Variants in SMPD3 observed in about 807,000 individuals in gnomAD.
SMPD3 encodes the protein sphingomyelin phosphodiesterase 3.
Under a neutral mutation model 55.7 loss-of-function variants are expected in SMPD3, and 21 were observed. The observed-to-expected ratio is 0.38, with a 90% CI of 0.27 to 0.54. The LOEUF (loss-of-function observed/expected upper bound fraction) is 0.54. Ranked by LOEUF, SMPD3 falls within the 20% of genes least tolerant of loss-of-function variation. The pLI is 0.80. For synonymous variants in SMPD3, 457 were observed against 404.3 expected (o/e 1.13, Z -1.56); for missense variants, 842 against 899.6 (o/e 0.94, Z 0.82).
chr16:68,434,884 A>C (rs1380178363), intron 1 of SMPD3, among the ~76,000 whole-genome samples: 3 of 152,130 alleles, frequency 2.0e-5, no homozygotes, highest in Admixed American at 2.0e-4. Context: ...GTGGTTTTAA[A>C]GGCCCTATGT....
rs1275346938 is a variant in SMPD3, at chr16:68,359,689, G to A, written c.*1517C>T. ...GCAAAGCCGGCCCTGGGCCAGGCTG[G>A]GTGTAGGGCCAGGGCGCCACGAGGA... On this transcript the variant is annotated 3_prime_UTR_variant, in exon 9 of 9. Coordinates refer to ENST00000219334, the MANE Select transcript of SMPD3 (RefSeq NM_018667.4). 3 of 152,596 alleles carry A rather than the reference G, an allele frequency of 2.0e-5. No homozygotes were observed. The highest frequency in any genetic ancestry group is 4.4e-5 in the Non-Finnish European group (3 of 68,060). 9.5% of individuals were successfully genotyped at this position (152,596 alleles called of 1,614,324 possible).
chr16:68,433,325 G>C lies in SMPD3; in HGVS notation c.-269+15028C>G, dbSNP rs141389928. 4.9e-3 allele frequency among the ~76,000 whole-genome samples: 753 copies of C among 152,274 alleles called. 10 individuals carry two copies. The highest frequency in any genetic ancestry group is 0.017 in the Middle Eastern group (5 of 294). ...TGCCTCACACTCAATCCATTTGCCCGACCCTCATGTGTTCAGAGGGTCTGA... is the reference window on the plus strand; with the variant it reads ...TGCCTCACACTCAATCCATTTGCCCCACCCTCATGTGTTCAGAGGGTCTGA... On this transcript the variant is annotated intron_variant, in intron 1 of 8. Coordinates refer to ENST00000219334, the MANE Select transcript of SMPD3 (RefSeq NM_018667.4).
intron 2 of SMPD3, among the ~76,000 whole-genome samples, chr16:68,382,758 C>A (rs753879716): frequency 1.3e-5 from 2 of 152,174 alleles, no homozygotes. Context: ...CCAGGAGGGG[C>A]AGCTGGGGAA....
intron 1 of SMPD3, among the ~76,000 whole-genome samples, chr16:68,387,216 A>G (rs2090064732): frequency 6.6e-6 from 1 of 151,970 alleles, no homozygotes; most frequent in Admixed American, 6.5e-5. Flanking sequence ...ATTGAGAGGA[A>G]CCAAAGGGAT....
chr16:68,398,356 C>A (rs1235475302), intron 1 of SMPD3, among the ~76,000 whole-genome samples: 2 of 152,130 alleles, frequency 1.3e-5, no homozygotes, highest in African/African-American at 4.8e-5. Context: ...AAAAGGAGGG[C>A]CCTACGTGGC....
intron 1 of SMPD3, among the ~76,000 whole-genome samples, chr16:68,434,547 T>C (rs1048882493): frequency 8.5e-5 from 13 of 152,240 alleles, no homozygotes; most frequent in Non-Finnish European, 1.2e-4. Context: ...GTCTTCTGTA[T>C]GAATTTAATC....
intron 2 of SMPD3, among the ~76,000 whole-genome samples, chr16:68,376,824 C>T (rs752066607): frequency 5.3e-5 from 8 of 152,246 alleles, no homozygotes; most frequent in Non-Finnish European, 1.0e-4. Flanking sequence ...CCCTCGGCTT[C>T]ACCGGCCACT....
At chr16:68,363,396 A>C in intron 7 of SMPD3, 100 bp downstream of exon 7, 1 of 1,361,960 alleles carries the variant, frequency 7.3e-7, no homozygotes, top group Admixed American at 1.8e-5. Context: ...AAAAGCCCTC[A>C]TGAGCCCGAG....
intron 1 of SMPD3, among the ~76,000 whole-genome samples, chr16:68,446,500 C>T (rs1243070503): frequency 6.6e-6 from 1 of 152,004 alleles, no homozygotes; most frequent in Non-Finnish European, 1.5e-5. Context: ...CACACACACA[C>T]ACACACACAC....
chr16:68,370,719 G>T, intron 3 of SMPD3, 140 bp downstream of exon 3: 3 of 1,154,650 alleles, frequency 2.6e-6, no homozygotes, highest in South Asian at 3.1e-5. Context: ...TTTGGCTCCA[G>T]GAAAGACCGC....
Position 68,359,657 on chromosome 16 carries a change from T to G in SMPD3, c.*1549A>C, listed in dbSNP as rs1463996729. 2.0e-5 allele frequency: 3 copies of G among 152,650 alleles called. No homozygotes were observed. The highest frequency in any genetic ancestry group is 7.2e-5 in the African/African-American group (3 of 41,448). The allele number at this position is 152,650 out of a possible 1,614,324, so 9.5% of individuals were successfully genotyped here. On this transcript the variant is annotated 3_prime_UTR_variant, in exon 9 of 9. Coordinates refer to ENST00000219334, the MANE Select transcript of SMPD3 (RefSeq NM_018667.4). ...GCAGGTCCTGGTGCTCCCTCCAGCC[T>G]CACCAGGCAAAGCCGGCCCTGGGCC... is the stretch of plus-strand genomic sequence containing the variant.
At chr16:68,389,341 G>C (rs1358577825) in intron 1 of SMPD3, among the ~76,000 whole-genome samples, 1 of 152,234 alleles carries the variant, frequency 6.6e-6, no homozygotes, top group Admixed American at 6.5e-5. Context: ...CCACAGACCA[G>C]TACCTGGGGT....
chr16:68,411,017 G>A (rs113395428), intron 1 of SMPD3, among the ~76,000 whole-genome samples: 7,822 of 152,334 alleles, frequency 0.051, 275 homozygotes, highest in Non-Finnish European at 0.079. Context: ...GTTGGAGTGT[G>A]GGGGTGATCA....
intron 2 of SMPD3, among the ~76,000 whole-genome samples, chr16:68,373,659 G>T (rs2089734031): frequency 6.6e-6 from 1 of 152,148 alleles, no homozygotes; most frequent in South Asian, 2.1e-4. Context: ...CACTCCTGCT[G>T]GACCCCCTGC....
chr16:68,437,155 T>A (rs909705757), intron 1 of SMPD3, among the ~76,000 whole-genome samples: 3 of 152,176 alleles, frequency 2.0e-5, no homozygotes, highest in Non-Finnish European at 4.4e-5. Context: ...CACTTCCATC[T>A]CTCCAGTGTC....
chr16:68,391,594 T>C lies in SMPD3; in HGVS notation c.-268-4935A>G, dbSNP rs568810359. On this transcript the variant is annotated intron_variant, in intron 1 of 8. Transcript: ENST00000219334. ...AGGTATTCAGTGATCAGTTATCCATTTGGAAAGATAATTCTACAGGGAGCA... is the reference window on the plus strand; with the variant it reads ...AGGTATTCAGTGATCAGTTATCCATCTGGAAAGATAATTCTACAGGGAGCA... Among the ~76,000 whole-genome samples the C allele has an allele frequency of 5.3e-5, 8 of 152,262 alleles. No homozygotes were observed. In the East Asian group the frequency reaches 1.5e-3, roughly 29 times the overall value.
At chr16:68,448,180 C>A (rs535920137) in intron 1 of SMPD3, among the ~76,000 whole-genome samples, 173 bp downstream of exon 1, 16 of 152,334 alleles carry the variant, frequency 1.1e-4, no homozygotes, top group South Asian at 2.1e-4. Flanking sequence ...GAAAACTAAC[C>A]CAAGCTGCTC....
intron 7 of SMPD3, among the ~76,000 whole-genome samples, chr16:68,363,196 C>T (rs1483581517): frequency 6.6e-6 from 1 of 152,186 alleles, no homozygotes; most frequent in Non-Finnish European, 1.5e-5. Flanking sequence ...AAATTCCAGG[C>T]CCTTTCCTGT....
Position 68,361,437 on chromosome 16 carries a change from G to C in SMPD3, c.1867-130C>G, listed in dbSNP as rs1597578906. 6.6e-6 allele frequency: 9 copies of C among 1,360,386 alleles called. No homozygotes were observed. The East Asian group carries it at 2.1e-4, about 32-fold the overall frequency. 84.3% of individuals were successfully genotyped at this position (1,360,386 alleles called of 1,614,324 possible). A position where few individuals can be genotyped will look rare whatever the true frequency, so the allele number is the denominator to read the frequency against. ...GCTGGGACCTTCCTGCAGTCAGAGGGATGGGGCCTGGAGGACCTGGGGCCC... is the reference window on the plus strand; with the variant it reads ...GCTGGGACCTTCCTGCAGTCAGAGGCATGGGGCCTGGAGGACCTGGGGCCC... On this transcript the variant is annotated intron_variant, in intron 8 of 8. Coordinates refer to ENST00000219334, the MANE Select transcript of SMPD3 (RefSeq NM_018667.4).
Sources: allele counts gnomAD v4.1 joint callset (sites outside exome capture counted in the v4.1 genomes callset), GRCh38; gene constraint gnomAD v4.1.1; transcripts MANE v1.5; gene names NCBI Gene and HGNC (gene_info 2026-07-23, HGNC 2026-07-21).